SPART: variants seen among roughly 807,000 people sequenced by gnomAD.
SPART encodes the protein spartin.
Under a neutral mutation model 58.7 loss-of-function variants are expected in SPART, and 35 were observed. That is an observed-to-expected ratio of 0.60 (90% CI 0.46 to 0.79). The LOEUF (loss-of-function observed/expected upper bound fraction) is 0.79, where lower values mean the gene tolerates loss of function less well. Among genes scored for constraint, SPART ranks in the 30% least tolerant of loss-of-function variants. The pLI is 0.00. For missense variants in SPART, 730 were observed against 786.1 expected, an observed-to-expected ratio of 0.93 and a Z score of 0.85; for synonymous variants, 284 against 280.7, an observed-to-expected ratio of 1.01 and a Z score of -0.12.
At chr13:36,368,246 C>T in intron 1 of SPART, 1 of 458,776 alleles carries the variant, frequency 2.2e-6, no homozygotes, top group South Asian at 1.6e-5. Context: ...TAAACAACAA[C>T]ACAGGTGTGT....
rs953259272 is a variant in SPART at position 36,312,253 on chromosome 13, A to C, written c.1643-18T>G. 3 of 1,613,956 alleles carry C rather than the reference A, an allele frequency of 1.9e-6. No homozygotes were observed. Among genetic ancestry groups the C allele is most frequent in the Admixed American group, 1.7e-5 (1 of 60,020 alleles). On this transcript the variant is annotated intron_variant, in intron 7 of 8. Coordinates refer to ENST00000438666, the MANE Select transcript of SPART (RefSeq NM_015087.5). ...TGAAAATCCTGTAAAAATAATATTT[A>C]AAACGATGTAAATCTAGTCCAAAGC...
intron 1 of SPART, among the ~76,000 whole-genome samples, chr13:36,345,302 C>G (rs1414411308): frequency 2.0e-5 from 3 of 152,164 alleles, no homozygotes; most frequent in African/African-American, 7.2e-5. Context: ...GAAAGGCTTC[C>G]TGTTTCAAAC....
rs774657699 is a variant in SPART, at chr13:36,335,603, C to A, written c.228G>T (p.Gln76His). The part of the protein sequence containing the change: ...HTGPGWESAR[Q>H]MQQKMKETLQ... ...GAGTTTCTTTCATTTTCTGTTGCAT[C>A]TGTCTAGCAGATTCCCACCCAGGAC... is the stretch of plus-strand genomic sequence containing the variant. Residue 76 changes from glutamine to histidine, a missense_variant, in exon 2 of 9, where the codon CAG (glutamine) becomes CAT (histidine). Physicochemically the swap from Gln to His is conservative, Grantham distance 24 (BLOSUM62 0). Coordinates refer to ENST00000438666, the MANE Select transcript of SPART (RefSeq NM_015087.5). The A allele has an allele frequency of 3.7e-6, 6 of 1,613,656 alleles. No homozygotes were observed. The highest frequency in any genetic ancestry group is 5.1e-6 in the Non-Finnish European group (6 of 1,179,860).
Position 36,312,425 on chromosome 13 carries a change from A to G in SPART, c.1536T>C (p.His512=). 1.2e-6 allele frequency: 2 copies of G among 1,614,168 alleles called. No individual in the cohort carries two copies. The highest frequency in any genetic ancestry group is 1.7e-6 in the Non-Finnish European group (2 of 1,180,030). The change falls in exon 7 of 9, where the codon CAT becomes CAC. Residue 512 remains histidine (H), a synonymous_variant. Transcript: ENST00000438666. Reference sequence around the variant, plus strand: ...CAAGTTTGCTTCCATGCTTCTTGACATGTGGAGCTAGTTCTTTTCCAACGC... The same window carrying G: ...CAAGTTTGCTTCCATGCTTCTTGACGTGTGGAGCTAGTTCTTTTCCAACGC... ...ANCVGKELAP[H]VKKHGSKLVP...
intron 1 of SPART, among the ~76,000 whole-genome samples, chr13:36,361,849 T>C (rs1885873792): frequency 1.3e-5 from 2 of 152,228 alleles, no homozygotes; most frequent in Non-Finnish European, 2.9e-5. Flanking sequence ...GTAATCTCTG[T>C]TGATATTTAC....
chr13:36,335,441 C>T lies in SPART; in HGVS notation c.390G>A (p.Gln130=), dbSNP rs761785380. 9 of 1,614,004 alleles carry T rather than the reference C, an allele frequency of 5.6e-6. No individual in the cohort carries two copies. The highest frequency in any genetic ancestry group is 6.8e-6 in the Non-Finnish European group (8 of 1,180,032). ...CATGCTGAGGAGCTGAACTAAAAGA[C>T]TGAGGCTCTGGTAATTTTTCACACA... ...KDMCEKLPEP[Q]SFSSAPQHAE... The change falls in exon 2 of 9, where the codon CAG becomes CAA. Residue 130 remains glutamine (Q), a synonymous_variant. Coordinates refer to ENST00000438666, the MANE Select transcript of SPART (RefSeq NM_015087.5).
chr13:36,316,763 G>A (rs1004809232), intron 5 of SPART, among the ~76,000 whole-genome samples: 3 of 152,112 alleles, frequency 2.0e-5, no homozygotes, highest in African/African-American at 4.8e-5. Flanking sequence ...TCACACAGAC[G>A]CGCATGAAAT....
intron 3 of SPART, among the ~76,000 whole-genome samples, chr13:36,329,792 T>C (rs1242427053): frequency 6.6e-6 from 1 of 152,246 alleles, no homozygotes; most frequent in Admixed American, 6.5e-5. Context: ...GTATAAGTTA[T>C]CTTTGAATCA....
chr13:36,368,828 G>A (rs533387138), intron 1 of SPART, among the ~76,000 whole-genome samples: 65 of 152,098 alleles, frequency 4.3e-4, no homozygotes, highest in Admixed American at 5.9e-4. Context: ...GTGAAACCCC[G>A]TCTCTACTAA....
At chr13:36,349,271 A>C (rs1885319317), upstream of SPART, among the ~76,000 whole-genome samples, 3 of 152,132 alleles carry the variant, frequency 2.0e-5, no homozygotes, top group African/African-American at 7.2e-5. Flanking sequence ...TCAAACAAAC[A>C]AGCAAAAAAC....
chr13:36,349,343 C>T (rs1483959078), upstream of SPART, among the ~76,000 whole-genome samples: 1 of 152,198 alleles, frequency 6.6e-6, no homozygotes, highest in Admixed American at 6.5e-5. Context: ...ACAGAAGCTT[C>T]CACGTATGGT....
chr13:36,316,765 G>T (rs1003198333), intron 5 of SPART, among the ~76,000 whole-genome samples: 2 of 152,090 alleles, frequency 1.3e-5, no homozygotes, highest in South Asian at 2.1e-4. Context: ...ACACAGACGC[G>T]CATGAAATTT....
chr13:36,308,416 T>C (rs1012046973), intron 8 of SPART: 1 of 152,180 alleles, frequency 6.6e-6, no homozygotes, highest in African/African-American at 2.4e-5. Flanking sequence ...AATTCTCACT[T>C]ACCTGGTTTT....
chr13:36,320,626 C>T (rs1882278121), intron 5 of SPART, among the ~76,000 whole-genome samples: 1 of 152,174 alleles, frequency 6.6e-6, no homozygotes, highest in African/African-American at 2.4e-5. Context: ...CCCTTCCCTA[C>T]ACATCAAGCT....
chr13:36,322,234 G>C (rs575021365), intron 5 of SPART, among the ~76,000 whole-genome samples: 10 of 152,270 alleles, frequency 6.6e-5, no homozygotes, highest in Admixed American at 2.6e-4. Context: ...ATCACCTGAG[G>C]TCAGAAGCTC....
At chr13:36,311,461 G>A (rs1374805312) in intron 8 of SPART, among the ~76,000 whole-genome samples, 2 of 152,140 alleles carry the variant, frequency 1.3e-5, no homozygotes, top group Non-Finnish European at 2.9e-5. Context: ...TTAACAGTCT[G>A]TATACCGAGT....
At chr13:36,350,189 C>CA (rs1290696568), upstream of SPART, among the ~76,000 whole-genome samples, 2 of 152,258 alleles carry the variant, frequency 1.3e-5, no homozygotes, top group East Asian at 1.9e-4. Context: ...TGGCAGTATC[C>CA]AAAACCACTA....
intron 5 of SPART, among the ~76,000 whole-genome samples, chr13:36,318,947 C>G (rs972133482): frequency 1.3e-5 from 2 of 152,198 alleles, no homozygotes; most frequent in East Asian, 1.9e-4. Context: ...CGGAAGCCCC[C>G]TAGACCATCA....
chr13:36,332,758 A>G (rs1384921475), intron 2 of SPART, among the ~76,000 whole-genome samples: 9 of 152,242 alleles, frequency 5.9e-5, no homozygotes, highest in African/African-American at 1.2e-4. Flanking sequence ...AATGCAATAC[A>G]TTCTTTGAGA....
Sources: gnomAD v4.1 joint callset for allele counts (sites outside exome capture counted in the v4.1 genomes callset) on GRCh38, gnomAD v4.1.1 for gene constraint, MANE v1.5 for transcripts, NCBI Gene and HGNC (gene_info 2026-07-23, HGNC 2026-07-21) for gene names.